The following KDR variants were observed in gnomAD, a reference collection of about 807,000 sequenced individuals.
KDR encodes the protein kinase insert domain receptor.
A neutral mutation model predicts 160.9 loss-of-function variants in KDR; 43 were observed. The ratio of observed to expected loss-of-function variants is 0.27; its 90% confidence interval spans 0.21 to 0.34. The LOEUF (loss-of-function observed/expected upper bound fraction) is 0.34. Among genes scored for constraint, KDR ranks in the 10% least tolerant of loss-of-function variants. The pLI, the probability that KDR is intolerant of heterozygous loss-of-function variation, is 1.00. For missense variants in KDR, 1,469 were observed against 1,666.4 expected (o/e 0.88, Z 2.06); for synonymous variants, 617 against 600.1 (o/e 1.03, Z -0.41).
At chr4:55,096,198 T>C in intron 19 of KDR, 31 bp downstream of exon 19, 1 of 1,251,220 alleles carries the variant, frequency 8.0e-7, no homozygotes, top group Non-Finnish European at 1.2e-6. Flanking sequence ...ATGTTAAAAT[T>C]GGGTGACCAA....
intron 7 of KDR, among the ~76,000 whole-genome samples, chr4:55,112,435 GTTAA>G (rs1200810715): frequency 6.6e-6 from 1 of 151,112 alleles, no homozygotes; most frequent in Admixed American, 6.6e-5. Flanking sequence ...TAAAATATGT[GTTAA>G]TTGACTGTTT....
At chr4:55,089,066 G>A (rs1389786864) in intron 25 of KDR, 93 bp from the exon 26 acceptor site, 16 of 854,220 alleles carry the variant, frequency 1.9e-5, no homozygotes, top group Middle Eastern at 2.2e-4. Flanking sequence ...GTAAAGAGCT[G>A]ACGAGGTGAG....
chr4:55,081,767 A>G (rs1719739703), intron 29 of KDR, among the ~76,000 whole-genome samples, 189 bp downstream of exon 29: 1 of 152,208 alleles, frequency 6.6e-6, no homozygotes, highest in African/African-American at 2.4e-5. Flanking sequence ...AATTTATTTC[A>G]GATTATTTTT....
intron 23 of KDR, 73 bp downstream of exon 23, chr4:55,089,883 G>A (rs961811876): frequency 2.4e-5 from 38 of 1,605,438 alleles, no homozygotes; most frequent in Non-Finnish European, 3.2e-5. Context: ...CCTGAACACA[G>A]GTCCTGAAGC....
chr4:55,124,377 C>T (rs971767882), intron 1 of KDR, among the ~76,000 whole-genome samples: 3 of 152,084 alleles, frequency 2.0e-5, no homozygotes, highest in Admixed American at 1.3e-4. Flanking sequence ...GCATGAAGAA[C>T]GTGTGTGTTC....
At chr4:55,119,606 A>G (rs1351156206) in intron 2 of KDR, among the ~76,000 whole-genome samples, 1 of 152,356 alleles carries the variant, frequency 6.6e-6, no homozygotes, top group African/African-American at 2.4e-5. Flanking sequence ...GAGCAGTATT[A>G]CAGGAGCAAA....
chr4:55,101,982 C>A lies in KDR; in HGVS notation c.2181G>T (p.Val727=), dbSNP rs2110020665. 6.2e-7 allele frequency: 1 copy of A among 1,613,782 alleles called. No homozygotes were observed. Among genetic ancestry groups the A allele is most frequent in the Non-Finnish European group, 8.5e-7 (1 of 1,179,764 alleles). ...TGTAGAGGCCTTCGTCCTCCTTCCT[C>A]ACTCTGCGGATAGTGAGGTTCCGGT... The part of the protein sequence containing the change: ...DGNRNLTIRR[V]RKEDEGLYTC... Residue 727 remains valine, a synonymous_variant, in exon 15 of 30, where the codon GTG becomes GTT. Transcript: ENST00000263923.
intron 18 of KDR, chr4:55,096,585 CT>C (rs1454349950): frequency 1.3e-5 from 7 of 541,730 alleles, no homozygotes; most frequent in Non-Finnish European, 2.3e-5. Flanking sequence ...ATTGTGAAAC[CT>C]TTTGCAAAGC....
intron 4 of KDR, 88 bp downstream of exon 4, chr4:55,115,193 A>G (rs1720702388): frequency 1.5e-6 from 2 of 1,303,102 alleles, no homozygotes; most frequent in South Asian, 2.4e-5. Flanking sequence ...CTTAAAACTC[A>G]TTGTGAATAT....
chr4:55,121,337 TCAGTAA>T, intron 1 of KDR, 147 bp from the exon 2 acceptor site: 1 of 663,890 alleles, frequency 1.5e-6, no homozygotes, highest in Non-Finnish European at 2.7e-6. Context: ...TTCACCATTC[TCAGTAA>T]AAGTTCACAA....
intron 27 of KDR, among the ~76,000 whole-genome samples, chr4:55,086,680 A>G (rs1719873927): frequency 6.6e-6 from 1 of 152,016 alleles, no homozygotes; most frequent in Non-Finnish European, 1.5e-5. Context: ...CTTCCTTCCC[A>G]TCAGTGTTTC....
chr4:55,082,791 C>T (rs1022191336), intron 27 of KDR, among the ~76,000 whole-genome samples, 156 bp from the exon 28 acceptor site: 2 of 152,146 alleles, frequency 1.3e-5, no homozygotes, highest in Middle Eastern at 3.2e-3. Context: ...TGCTAGCACA[C>T]ATGGAAGGCT....
chr4:55,114,830 C>G (rs779564352), intron 5 of KDR, 44 bp downstream of exon 5: 27 of 1,484,784 alleles, frequency 1.8e-5, no homozygotes, highest in Non-Finnish European at 2.4e-5. Flanking sequence ...GATCTTAATA[C>G]AAGGATATGT....
chr4:55,088,486 C>A (rs887872174), intron 26 of KDR, among the ~76,000 whole-genome samples: 1 of 152,126 alleles, frequency 6.6e-6, no homozygotes, highest in Non-Finnish European at 1.5e-5. Flanking sequence ...AGACAGAAAC[C>A]ATCTCTTTTG....
intron 18 of KDR, among the ~76,000 whole-genome samples, chr4:55,096,988 T>C (rs374355536): frequency 2.1e-4 from 32 of 152,294 alleles, no homozygotes; most frequent in African/African-American, 7.5e-4. Flanking sequence ...TGGAGAAAGA[T>C]AGCTTTGAAA....
chr4:55,090,924 A>G (rs1179895701), intron 22 of KDR, among the ~76,000 whole-genome samples: 1 of 134,270 alleles, frequency 7.4e-6, no homozygotes, highest in African/African-American at 2.8e-5. Flanking sequence ...GTGCAATCTC[A>G]GTTCACTGCA....
intron 18 of KDR, chr4:55,096,798 G>A (rs184100464): frequency 1.8e-5 from 4 of 217,612 alleles, no homozygotes; most frequent in African/African-American, 6.9e-5. Context: ...CTGTGCAGGC[G>A]AATTAAGGCC....
At chr4:55,124,321 G>T (rs1304073911) in intron 1 of KDR, among the ~76,000 whole-genome samples, 1 of 152,086 alleles carries the variant, frequency 6.6e-6, no homozygotes, top group Admixed American at 6.5e-5. Context: ...TTATCTAAGG[G>T]GTTGAGAGAG....
intron 17 of KDR, 148 bp downstream of exon 17, chr4:55,097,989 T>C (rs1397189409): frequency 2.7e-6 from 3 of 1,100,010 alleles, no homozygotes; most frequent in African/African-American, 1.6e-5. Flanking sequence ...TAAGTGGCTA[T>C]ATGAATGATT....
Sources: gnomAD v4.1 joint callset for allele counts (sites outside exome capture counted in the v4.1 genomes callset) on GRCh38, gnomAD v4.1.1 for gene constraint, MANE v1.5 for transcripts, NCBI Gene and HGNC (gene_info 2026-07-23, HGNC 2026-07-21) for gene names.